COL5A2: variants seen among roughly 807,000 people sequenced by gnomAD.
The protein encoded by COL5A2 is collagen alpha-2(V) chain.
A neutral mutation model predicts 208.2 loss-of-function variants in COL5A2; 23 were observed. That is an observed-to-expected ratio of 0.11 (90% confidence interval 0.08 to 0.16). COL5A2 has a LOEUF of 0.16. COL5A2 is among the 10% of genes least tolerant of loss of function. COL5A2 has a pLI of 1.00. For synonymous variants in COL5A2, 625 were observed against 628.5 expected, an observed-to-expected ratio of 0.99 and a Z score of 0.08; for missense variants, 1,590 against 1,956.4, an observed-to-expected ratio of 0.81 and a Z score of 3.53.
At position 189,068,123 on chromosome 2, in the gene COL5A2, A is replaced by C; in HGVS notation, c.1303-10T>G. 1.2e-6 allele frequency: 2 copies of C among 1,610,796 alleles called. No homozygotes were observed. Among genetic ancestry groups the C allele is most frequent in the South Asian group, 2.2e-5 (2 of 91,028 alleles). On this transcript the variant is annotated splice_polypyrimidine_tract_variant and intron_variant, in intron 20 of 53. Transcript: ENST00000374866. ...AGGTACCTGGAGAGCCCTATTAAACAGCAAGAGTGATGTGGTAAGTAGAGA... is the reference window on the plus strand; with the variant it reads ...AGGTACCTGGAGAGCCCTATTAAACCGCAAGAGTGATGTGGTAAGTAGAGA...
At chr2:189,061,283 T>A (rs72904403) in intron 30 of COL5A2, among the ~76,000 whole-genome samples, 1 of 152,150 alleles carries the variant, frequency 6.6e-6, no homozygotes, top group African/African-American at 2.4e-5. Flanking sequence ...TGTTGAGCTA[T>A]CAGAAACATT....
intron 1 of COL5A2, among the ~76,000 whole-genome samples, chr2:189,220,459 C>T (rs967117263): frequency 4.1e-5 from 4 of 98,008 alleles, no homozygotes; most frequent in Admixed American, 1.1e-4. Flanking sequence ...CTAATAAGCT[C>T]GGTGTATTAA....
the COL5A2 span, among the ~76,000 whole-genome samples, chr2:189,294,201 C>T: frequency 6.6e-6 from 1 of 151,818 alleles, no homozygotes; most frequent in Non-Finnish European, 1.5e-5. Flanking sequence ...CACTCCCTTA[C>T]AAGTGTTTCC....
chr2:189,183,872 C>T (rs938390287), upstream of COL5A2, among the ~76,000 whole-genome samples: 5 of 152,170 alleles, frequency 3.3e-5, no homozygotes, highest in African/African-American at 1.2e-4. Context: ...TTTTCCCAGA[C>T]ACATAAAGCA....
chr2:189,283,043 T>C, the COL5A2 span, among the ~76,000 whole-genome samples: 1 of 152,156 alleles, frequency 6.6e-6, no homozygotes, highest in Non-Finnish European at 1.5e-5. Context: ...TTAACAAATA[T>C]ATAAATAAAT....
the COL5A2 span, among the ~76,000 whole-genome samples, chr2:189,416,462 C>CA: frequency 2.6e-5 from 4 of 152,036 alleles, no homozygotes; most frequent in East Asian, 1.9e-4. Flanking sequence ...ATCGCAAGGA[C>CA]AAAAAACCAA....
chr2:189,042,670 A>G, intron 49 of COL5A2, 50 bp downstream of exon 49: 1 of 1,543,150 alleles, frequency 6.5e-7, no homozygotes, highest in Non-Finnish European at 8.9e-7. Flanking sequence ...CAGTACATCA[A>G]CAAAGGCATT....
At chr2:189,157,779 G>A (rs1688283387) in intron 1 of COL5A2, among the ~76,000 whole-genome samples, 1 of 151,986 alleles carries the variant, frequency 6.6e-6, no homozygotes, top group Non-Finnish European at 1.5e-5. Flanking sequence ...GTCTTGGTTT[G>A]AAGAAACAAC....
chr2:189,047,523 A>G (rs1161511302), intron 45 of COL5A2, among the ~76,000 whole-genome samples: 7 of 152,234 alleles, frequency 4.6e-5, no homozygotes, highest in African/African-American at 1.7e-4. Flanking sequence ...AGCATTTGAA[A>G]ATGGAGGTTC....
chr2:189,438,241 C>A, the COL5A2 span, among the ~76,000 whole-genome samples: 1 of 149,534 alleles, frequency 6.7e-6, no homozygotes, highest in South Asian at 2.1e-4. Context: ...TGTAAAGTAA[C>A]TAAAACTTTC....
intron 1 of COL5A2, among the ~76,000 whole-genome samples, chr2:189,193,757 A>G (rs890670235): frequency 6.6e-6 from 1 of 152,110 alleles, no homozygotes; most frequent in Non-Finnish European, 1.5e-5. Flanking sequence ...CCAAGACATT[A>G]TTTTCTGGGG....
chr2:189,176,730 C>T (rs1316872930), intron 1 of COL5A2, among the ~76,000 whole-genome samples: 2 of 151,860 alleles, frequency 1.3e-5, no homozygotes, highest in Non-Finnish European at 2.9e-5. Flanking sequence ...CACACACACT[C>T]TTTAAAAGCT....
At chr2:189,354,393 G>A in the COL5A2 span, among the ~76,000 whole-genome samples, 2 of 152,162 alleles carry the variant, frequency 1.3e-5, no homozygotes, top group Non-Finnish European at 2.9e-5. Flanking sequence ...GAATTCAGCT[G>A]TGACTCCATC....
chr2:189,035,137 G>T lies in COL5A2; in HGVS notation c.4132C>A (p.Gln1378Lys). 1 of 1,613,836 alleles carries T rather than the reference G, an allele frequency of 6.2e-7. No individual in the cohort carries two copies. Among genetic ancestry groups the T allele is most frequent in the Non-Finnish European group, 8.5e-7 (1 of 1,179,864 alleles). The change falls in exon 53 of 54, where the codon CAA becomes AAA. Residue 1378 changes from glutamine to lysine, a missense_variant. Transcript: ENST00000374866. ...TGAGTAATGGCTGTATTAGGTGATT[G>T]GTGGTCTCCATAAGCGAACTAGAAA... ...RGSQFAYGDH[Q>K]SPNTAITQMT...
intron 1 of COL5A2, among the ~76,000 whole-genome samples, chr2:189,209,243 C>A (rs761511102): frequency 6.6e-5 from 10 of 152,090 alleles, no homozygotes; most frequent in Admixed American, 3.3e-4. Context: ...CTCTGACTGG[C>A]CCCTGACTGA....
At chr2:189,268,557 G>A in the COL5A2 span, among the ~76,000 whole-genome samples, 2 of 152,052 alleles carry the variant, frequency 1.3e-5, no homozygotes, top group Non-Finnish European at 2.9e-5. Flanking sequence ...CAGATTTGCT[G>A]CTAATGAATA....
chr2:189,240,473 G>A, the COL5A2 span, among the ~76,000 whole-genome samples: 6 of 152,264 alleles, frequency 3.9e-5, no homozygotes, highest in African/African-American at 1.4e-4. Flanking sequence ...TCACACTGGG[G>A]ATTAGGACTT....
chr2:189,396,542 TG>T, the COL5A2 span, among the ~76,000 whole-genome samples: 1 of 150,886 alleles, frequency 6.6e-6, no homozygotes, highest in Non-Finnish European at 1.5e-5. Flanking sequence ...GGCGTGGTGG[TG>T]GGCCCCTATA....
At chr2:189,149,726 A>C (rs1192779867) in intron 1 of COL5A2, among the ~76,000 whole-genome samples, 1 of 152,166 alleles carries the variant, frequency 6.6e-6, no homozygotes, top group Admixed American at 6.5e-5. Context: ...TAAATTCCAC[A>C]TTTGCATTTT....
Sources: gnomAD v4.1 joint callset for allele counts (sites outside exome capture counted in the v4.1 genomes callset) on GRCh38, gnomAD v4.1.1 for gene constraint, MANE v1.5 for transcripts, NCBI Gene and HGNC (gene_info 2026-07-23, HGNC 2026-07-21) for gene names.